TEX2: variants seen among roughly 807,000 people sequenced by gnomAD.
TEX2 encodes the protein testis expressed 2.
Under a neutral mutation model 106.9 loss-of-function variants are expected in TEX2, and 53 were observed. The observed-to-expected ratio is 0.50, with a 90% CI of 0.40 to 0.62. TEX2 has a LOEUF of 0.62. TEX2 is among the 20% of genes least tolerant of loss of function. TEX2 has a pLI of 0.00. For missense variants in TEX2, 1,207 were observed against 1,379.0 expected, an observed-to-expected ratio of 0.88 and a Z score of 1.98; for synonymous variants, 523 against 534.8, an observed-to-expected ratio of 0.98 and a Z score of 0.30.
chr17:64,150,889 T>G lies in TEX2; in HGVS notation c.3213A>C (p.Leu1071Phe). Residue 1071 changes from leucine (L) to phenylalanine (F), a missense_variant, in exon 11 of 12, where the codon TTA becomes TTC. This residue lies in a region of TEX2 where 77 missense variants were observed against 73.2 expected (regional missense o/e 1.05). Transcript: ENST00000584379. ...TCTCTATCCAGTCTGTCACATGAAC[T>G]AAAGTCACTTCTCTCTCTCCAAGTT... Reference protein sequence around the residue: ...RPKLGEREVTLVHVTDWIEKK... With the variant: ...RPKLGEREVTFVHVTDWIEKK... 6.2e-7 allele frequency: 1 copy of G among 1,613,958 alleles called. No homozygotes were observed. Among genetic ancestry groups the G allele is most frequent in the Middle Eastern group, 1.6e-4 (1 of 6,062 alleles).
intron 1 of TEX2, among the ~76,000 whole-genome samples, chr17:64,236,341 T>C (rs1256458402): frequency 2.0e-5 from 3 of 152,080 alleles, no homozygotes; most frequent in Non-Finnish European, 4.4e-5. Flanking sequence ...GGCAGGAGGA[T>C]CGCTTGAGCC....
Position 64,148,989 on chromosome 17 carries a change from C to T in TEX2, c.3364G>A (p.Glu1122Lys), listed in dbSNP as rs1231341349. The T allele has an allele frequency of 1.1e-5, 17 of 1,614,238 alleles. No homozygotes were observed. Among genetic ancestry groups the T allele is most frequent in the Non-Finnish European group, 1.4e-5 (17 of 1,180,046 alleles). ...TSCLLKDPPV[E>K]AADQP Reference sequence around the variant, plus strand: ...ACCCATCATGGCTGATCAGCAGCCTCCACAGGTGGGTCTTTCAGGAGGCAG... The same window carrying T: ...ACCCATCATGGCTGATCAGCAGCCTTCACAGGTGGGTCTTTCAGGAGGCAG... Residue 1122 changes from glutamate (E) to lysine (K), a missense_variant, in exon 12 of 12, where the codon GAG (glutamate) becomes AAG (lysine). Transcript: ENST00000584379.
intron 1 of TEX2, among the ~76,000 whole-genome samples, chr17:64,248,981 G>A (rs2034041474): frequency 6.6e-6 from 1 of 151,742 alleles, no homozygotes; most frequent in Non-Finnish European, 1.5e-5. Context: ...GTTGCAGTGA[G>A]CCGAGATTAC....
intron 2 of TEX2, among the ~76,000 whole-genome samples, chr17:64,207,013 T>TCCCATAAATGTATCACTGCTGCA (rs2032856512): frequency 6.6e-6 from 1 of 152,220 alleles, no homozygotes; most frequent in Non-Finnish European, 1.5e-5. Context: ...TGGTTTGTCA[T>TCCCATAAATGTATCACTGCTGCA]CCCATAAATG....
At chr17:64,161,420 T>C (rs2030878236) in intron 7 of TEX2, among the ~76,000 whole-genome samples, 1 of 152,096 alleles carries the variant, frequency 6.6e-6, no homozygotes, top group Non-Finnish European at 1.5e-5. Flanking sequence ...AATTCTCCAG[T>C]ATTGGGAGTG....
At chr17:64,256,088 C>A (rs2034178714) in intron 1 of TEX2, 1 of 152,250 alleles carries the variant, frequency 6.6e-6, no homozygotes, top group African/African-American at 2.4e-5. Flanking sequence ...ACATAATCTA[C>A]CTTAGAATGC....
Position 64,150,779 on chromosome 17 carries a change from C to T in TEX2, c.3261+62G>A, listed in dbSNP as rs1033590407. 5 of 1,539,044 alleles carry T rather than the reference C, an allele frequency of 3.2e-6. No homozygotes were observed. The East Asian group carries it at 9.3e-5, about 29-fold the overall frequency. ...ATCCTGACCCAGCTGAAGTTCAGAA[C>T]CTCGGCTAAACCCAGAGCTTCTATA... is the stretch of plus-strand genomic sequence containing the variant. On this transcript the variant is annotated intron_variant, in intron 11 of 11. Coordinates refer to ENST00000584379, the MANE Select transcript of TEX2 (RefSeq NM_001288732.2).
intron 1 of TEX2, among the ~76,000 whole-genome samples, chr17:64,241,590 T>A (rs1598219819): frequency 2.0e-5 from 3 of 152,292 alleles, no homozygotes; most frequent in East Asian, 1.9e-4. Context: ...GACTACCTCA[T>A]CCTAAAAGTG....
chr17:64,248,575 C>T (rs1339000201), intron 1 of TEX2, among the ~76,000 whole-genome samples: 1 of 152,200 alleles, frequency 6.6e-6, no homozygotes, highest in Non-Finnish European at 1.5e-5. Context: ...ATTTTATAAG[C>T]CTTTTATCAG....
At chr17:64,241,867 A>G (rs1026460607) in intron 1 of TEX2, among the ~76,000 whole-genome samples, 21 of 152,286 alleles carry the variant, frequency 1.4e-4, no homozygotes, top group African/African-American at 5.1e-4. Context: ...TCCTCGGCTC[A>G]TGTAATCTTC....
intron 5 of TEX2, among the ~76,000 whole-genome samples, chr17:64,184,098 C>T (rs770342126): frequency 2.6e-5 from 4 of 152,118 alleles, no homozygotes; most frequent in Non-Finnish European, 5.9e-5. Context: ...TATTCAGATC[C>T]TTTACCCTTT....
intron 6 of TEX2, 38 bp from the exon 7 acceptor site, chr17:64,171,237 G>A (rs2031383232): frequency 1.3e-6 from 2 of 1,546,288 alleles, no homozygotes; most frequent in South Asian, 2.2e-5. Flanking sequence ...AGACCCATGA[G>A]CAACCTACAA....
Position 64,259,145 on chromosome 17 carries a change from A to G in TEX2, c.-26+4023T>C, listed in dbSNP as rs76204990. Among the ~76,000 whole-genome samples the G allele has an allele frequency of 3.1e-3, 467 of 152,298 alleles. 2 individuals carry two copies. The highest frequency in any genetic ancestry group is 0.011 in the African/African-American group (442 of 41,564). ...GCAATTTTGGGTGATCCACGCAGCC[A>G]TTGGGAAATATGTTTCTAATGGTGA... On this transcript the variant is annotated intron_variant, in intron 1 of 11. Coordinates refer to ENST00000584379, the MANE Select transcript of TEX2 (RefSeq NM_001288732.2).
rs551325325 is a variant in TEX2 at position 64,158,846 on chromosome 17, T to C, written c.2804+1955A>G. Among the ~76,000 whole-genome samples the C allele has an allele frequency of 1.5e-3, 234 of 152,342 alleles. 1 individual carries two copies. The highest frequency in any genetic ancestry group is 5.4e-3 in the African/African-American group (224 of 41,582). On this transcript the variant is annotated intron_variant, in intron 8 of 11. Transcript: ENST00000584379. ...TCTCCCAAATGAAGTGCTGCTGGAT[T>C]GTATTCCTCCTTACTTTTAAAAACA...
Position 64,160,989 on chromosome 17 carries a change from A to G in TEX2, c.2672-56T>C, listed in dbSNP as rs529823351. On this transcript the variant is annotated intron_variant, in intron 7 of 11. Coordinates refer to ENST00000584379, the MANE Select transcript of TEX2 (RefSeq NM_001288732.2). ...TTTTCCCTCAAAAAAACACATGACTATAAATGACTTACATTTAAAAATATC... is the reference window on the plus strand; with the variant it reads ...TTTTCCCTCAAAAAAACACATGACTGTAAATGACTTACATTTAAAAATATC... 9 of 1,574,284 alleles carry G rather than the reference A, an allele frequency of 5.7e-6. No individual in the cohort carries two copies. In the East Asian group the frequency reaches 1.3e-4, roughly 24 times the overall value.
chr17:64,238,018 T>G (rs2033807792), intron 1 of TEX2, among the ~76,000 whole-genome samples: 1 of 152,156 alleles, frequency 6.6e-6, no homozygotes, highest in Non-Finnish European at 1.5e-5. Flanking sequence ...AAAAACAATT[T>G]CAGCCAGGCG....
intron 11 of TEX2, chr17:64,149,590 G>C (rs1350978685): frequency 6.5e-6 from 1 of 153,158 alleles, no homozygotes; most frequent in Non-Finnish European, 1.5e-5. Context: ...GACCAGCCTG[G>C]CCAACATGGT....
At chr17:64,178,404 A>T (rs779165113) in intron 5 of TEX2, among the ~76,000 whole-genome samples, 35 of 152,206 alleles carry the variant, frequency 2.3e-4, no homozygotes, top group Non-Finnish European at 3.7e-4. Context: ...CACTGACCAC[A>T]TGCCAGCCCT....
chr17:64,261,998 C>T (rs782509008), intron 1 of TEX2, among the ~76,000 whole-genome samples: 1 of 152,190 alleles, frequency 6.6e-6, no homozygotes, highest in African/African-American at 2.4e-5. Flanking sequence ...TCCATTTTTC[C>T]TTATTGTTTT....
Sources: allele counts gnomAD v4.1 joint callset (sites outside exome capture counted in the v4.1 genomes callset), GRCh38; gene constraint gnomAD v4.1.1; regional missense constraint gnomAD v4.1.1; transcripts MANE v1.5; gene names NCBI Gene and HGNC (gene_info 2026-07-23, HGNC 2026-07-21).